PTGER4: variants seen among roughly 807,000 people sequenced by gnomAD.
PTGER4 encodes the protein prostaglandin E2 receptor EP4 subtype.
Under a neutral mutation model 33.2 loss-of-function variants are expected in PTGER4, and 11 were observed. That is an observed-to-expected ratio of 0.33 (90% CI 0.21 to 0.55). The LOEUF is 0.55. PTGER4 is among the 20% of genes least tolerant of loss of function. The pLI is 0.92. For missense variants in PTGER4, 481 were observed against 650.2 expected, an observed-to-expected ratio of 0.74 and a Z score of 2.83; for synonymous variants, 275 against 281.5, an observed-to-expected ratio of 0.98 and a Z score of 0.23.
At chr5:40,719,905 A>G in the PTGER4 span, among the ~76,000 whole-genome samples, 1 of 151,910 alleles carries the variant, frequency 6.6e-6, no homozygotes, top group African/African-American at 2.4e-5. Flanking sequence ...TTTGTTATTG[A>G]GTTGTAAGAG....
chr5:40,713,123 T>A, the PTGER4 span, among the ~76,000 whole-genome samples: 2 of 152,122 alleles, frequency 1.3e-5, no homozygotes, highest in African/African-American at 2.4e-5. Context: ...ATTTAAGATA[T>A]CCATTGATTT....
chr5:40,723,019 A>G, the PTGER4 span, among the ~76,000 whole-genome samples: 1 of 152,216 alleles, frequency 6.6e-6, no homozygotes, highest in Non-Finnish European at 1.5e-5. Flanking sequence ...GGGGAAAAGG[A>G]GAGATCGGAT....
chr5:40,710,643 C>T, the PTGER4 span, among the ~76,000 whole-genome samples: 1 of 152,126 alleles, frequency 6.6e-6, no homozygotes. Flanking sequence ...TTTATTGTGG[C>T]ACTATTCACA....
the PTGER4 span, among the ~76,000 whole-genome samples, chr5:40,733,873 G>A: frequency 4.6e-5 from 7 of 152,104 alleles, no homozygotes; most frequent in Non-Finnish European, 8.8e-5. Flanking sequence ...TTATTAGGCA[G>A]GTATGCATGT....
At chr5:40,739,315 T>C in the PTGER4 span, among the ~76,000 whole-genome samples, 2 of 152,224 alleles carry the variant, frequency 1.3e-5, no homozygotes, top group Non-Finnish European at 1.5e-5. Flanking sequence ...TCGATTGGAA[T>C]TGCACTGAGT....
At chr5:40,731,632 A>T in the PTGER4 span, among the ~76,000 whole-genome samples, 1 of 152,222 alleles carries the variant, frequency 6.6e-6, no homozygotes, top group Non-Finnish European at 1.5e-5. Context: ...TGAGACCAGC[A>T]TGGCAGAAAC....
At chr5:40,730,271 C>A in the PTGER4 span, 1 of 1,597,410 alleles carries the variant, frequency 6.3e-7, no homozygotes, top group Non-Finnish European at 8.5e-7. Flanking sequence ...CCTGTGATTT[C>A]ATCTCGTATA....
At chr5:40,713,371 G>C in the PTGER4 span, among the ~76,000 whole-genome samples, 1 of 152,100 alleles carries the variant, frequency 6.6e-6, no homozygotes, top group Non-Finnish European at 1.5e-5. Context: ...ATACTGTTCA[G>C]TTATAATCTT....
At position 40,681,696 on chromosome 5, in the gene PTGER4, T is replaced by G; in HGVS notation, c.703T>G (p.Ser235Ala). 1 of 1,577,152 alleles carries G rather than the reference T, an allele frequency of 6.3e-7. No individual in the cohort carries two copies. Among genetic ancestry groups the G allele is most frequent in the Non-Finnish European group, 8.6e-7 (1 of 1,167,110 alleles). ...GCAGCACCACGCGGCCGCGGCCGCC[T>G]CGGTTGCCTCCCGGGGCCACCCCGC... ...TEQHHAAAAA[S>A]VASRGHPAAS... Residue 235 changes from serine to alanine, a missense_variant, in exon 2 of 3, where the codon TCG becomes GCG. Ser to Ala is a moderately conservative substitution (Grantham distance 99). Transcript: ENST00000302472. The surrounding 1 kb of genome is among the most constrained non-coding windows in gnomAD (Gnocchi z 9.8).
chr5:40,695,737 C>T (rs750579350), downstream of PTGER4, among the ~76,000 whole-genome samples: 38 of 152,012 alleles, frequency 2.5e-4, no homozygotes, highest in Non-Finnish European at 3.8e-4. Flanking sequence ...GTACTTTGTG[C>T]GGTCATAAAA....
At chr5:40,713,684 T>C in the PTGER4 span, among the ~76,000 whole-genome samples, 2 of 152,206 alleles carry the variant, frequency 1.3e-5, no homozygotes, top group African/African-American at 4.8e-5. Flanking sequence ...TGAGTGTCTA[T>C]GCCATACAAT....
At chr5:40,734,966 C>G in the PTGER4 span, among the ~76,000 whole-genome samples, 2 of 152,164 alleles carry the variant, frequency 1.3e-5, no homozygotes, top group Non-Finnish European at 2.9e-5. Context: ...TTCCTAGGAA[C>G]GCATTCAAGC....
chr5:40,725,872 G>A, the PTGER4 span, among the ~76,000 whole-genome samples: 6 of 143,302 alleles, frequency 4.2e-5, no homozygotes, highest in African/African-American at 7.8e-5. Flanking sequence ...TGCAAGCTCC[G>A]CCTCCCAGGT....
chr5:40,707,677 C>T, the PTGER4 span, among the ~76,000 whole-genome samples: 3 of 152,158 alleles, frequency 2.0e-5, no homozygotes, highest in Middle Eastern at 6.8e-3. Context: ...TGCACCAAGT[C>T]GACCTAACAG....
the PTGER4 span, among the ~76,000 whole-genome samples, chr5:40,726,175 G>GTA: frequency 2.0e-4 from 29 of 141,580 alleles, no homozygotes; most frequent in African/African-American, 6.3e-4. Flanking sequence ...ACACACACAC[G>GTA]TATATATATA....
At chr5:40,738,248 C>T in the PTGER4 span, among the ~76,000 whole-genome samples, 1 of 151,636 alleles carries the variant, frequency 6.6e-6, no homozygotes, top group Non-Finnish European at 1.5e-5. Flanking sequence ...CCTGTCTCTA[C>T]TAAAAATTCA....
chr5:40,733,097 G>C, the PTGER4 span, among the ~76,000 whole-genome samples: 2 of 152,086 alleles, frequency 1.3e-5, no homozygotes, highest in African/African-American at 2.4e-5. Flanking sequence ...TTCTTACTTT[G>C]TTCCGTTCAT....
the PTGER4 span, among the ~76,000 whole-genome samples, chr5:40,745,333 A>G: frequency 2.0e-5 from 3 of 152,142 alleles, no homozygotes; most frequent in Non-Finnish European, 2.9e-5. Context: ...ATTCTTAGAA[A>G]AAACATGAGG....
chr5:40,736,407 T>A, the PTGER4 span, among the ~76,000 whole-genome samples: 6 of 152,214 alleles, frequency 3.9e-5, no homozygotes, highest in Admixed American at 3.3e-4. Context: ...TAATTTATAT[T>A]CCTGCTTCAT....
Sources: allele counts gnomAD v4.1 joint callset (sites outside exome capture counted in the v4.1 genomes callset), GRCh38; gene constraint gnomAD v4.1.1; non-coding constraint Gnocchi (gnomAD v3.1); transcripts MANE v1.5; gene names NCBI Gene and HGNC (gene_info 2026-07-23, HGNC 2026-07-21).